Variants in AMZ2 observed in about 807,000 individuals in gnomAD.
AMZ2 encodes the protein archaemetzincin-2.
Under a neutral mutation model 36.7 loss-of-function variants are expected in AMZ2, and 26 were observed. The ratio of observed to expected loss-of-function variants is 0.71; its 90% CI spans 0.52 to 0.98. The LOEUF (loss-of-function observed/expected upper bound fraction) is 0.98. AMZ2 is among the 50% of genes least tolerant of loss of function. The pLI, the probability that AMZ2 is intolerant of heterozygous loss-of-function variation, is 0.00. For synonymous variants in AMZ2, 144 were observed against 149.1 expected (o/e 0.97, Z 0.25); for missense variants, 394 against 430.5 (o/e 0.92, Z 0.75).
At chr17:68,207,814 CA>C (rs2072886651) in intron 1 of AMZ2, among the ~76,000 whole-genome samples, 1 of 151,992 alleles carries the variant, frequency 6.6e-6, no homozygotes. Context: ...CTGGGCTGGC[CA>C]AGGCTGGAGC....
At chr17:68,246,119 A>G (rs1360889464), upstream of AMZ2, among the ~76,000 whole-genome samples, 2 of 151,432 alleles carry the variant, frequency 1.3e-5, no homozygotes, top group African/African-American at 4.9e-5. Flanking sequence ...CAGCCTGGCC[A>G]ACATGGTGAA....
chr17:68,220,406 A>C (rs1171611065), intron 1 of AMZ2, among the ~76,000 whole-genome samples: 1 of 152,014 alleles, frequency 6.6e-6, no homozygotes, highest in East Asian at 1.9e-4. Flanking sequence ...TCTGACTTCT[A>C]GATTAGACTG....
intron 1 of AMZ2, among the ~76,000 whole-genome samples, chr17:68,208,314 T>C (rs12951483): frequency 2.6e-5 from 4 of 152,142 alleles, no homozygotes; most frequent in African/African-American, 7.2e-5. Flanking sequence ...TTTATGTCTA[T>C]CTAAGGGATT....
intron 1 of AMZ2, chr17:68,249,957 G>A: frequency 2.0e-6 from 1 of 505,878 alleles, no homozygotes; most frequent in Non-Finnish European, 3.5e-6. Flanking sequence ...TTTTTGTAAT[G>A]GGAGCAGGTT....
chr17:68,236,474 T>C (rs755994352), intron 1 of AMZ2, among the ~76,000 whole-genome samples: 89 of 151,536 alleles, frequency 5.9e-4, no homozygotes, highest in Non-Finnish European at 1.0e-3. Flanking sequence ...TAAATGCTCA[T>C]TGCAAAATAA....
At chr17:68,217,850 T>C (rs2073239639) in intron 1 of AMZ2, among the ~76,000 whole-genome samples, 1 of 149,654 alleles carries the variant, frequency 6.7e-6, no homozygotes, top group African/African-American at 2.5e-5. Flanking sequence ...GCTGGCTCTG[T>C]CGCCCAGGCT....
At chr17:68,226,976 C>T (rs2073531332) in intron 1 of AMZ2, among the ~76,000 whole-genome samples, 1 of 149,494 alleles carries the variant, frequency 6.7e-6, no homozygotes, top group South Asian at 2.1e-4. Flanking sequence ...TGCCATCACC[C>T]CGTGGCTGAG....
chr17:68,244,728 G>A (rs1158840907), upstream of AMZ2, among the ~76,000 whole-genome samples: 2 of 152,194 alleles, frequency 1.3e-5, no homozygotes, highest in Non-Finnish European at 2.9e-5. Flanking sequence ...AGAATGCAGG[G>A]ATTCTTTATA....
At chr17:68,244,339 T>G (rs1478109520), upstream of AMZ2, among the ~76,000 whole-genome samples, 1 of 152,214 alleles carries the variant, frequency 6.6e-6, no homozygotes, top group East Asian at 1.9e-4. Context: ...CAGGCTGGAG[T>G]GCAGTGATGT....
chr17:68,247,816 G>A (rs1273762078), upstream of AMZ2: 2 of 985,584 alleles, frequency 2.0e-6, no homozygotes, highest in Non-Finnish European at 2.4e-6. Context: ...AGGAATCGGC[G>A]ACTGCGGGGG....
chr17:68,239,740 G>A (rs67665336), intron 1 of AMZ2, among the ~76,000 whole-genome samples: 15,126 of 152,176 alleles, frequency 0.099, 855 homozygotes, highest in Non-Finnish European at 0.12. Context: ...TCCCCTCAGT[G>A]AATAAGCTGA....
At chr17:68,215,272 G>A (rs184848976) in intron 1 of AMZ2, among the ~76,000 whole-genome samples, 12 of 148,308 alleles carry the variant, frequency 8.1e-5, no homozygotes, top group Admixed American at 8.1e-4. Context: ...TTCTTTTCTT[G>A]CTCCCTTACC....
intron 1 of AMZ2, among the ~76,000 whole-genome samples, chr17:68,234,350 G>A (rs2073737497): frequency 6.6e-6 from 1 of 151,758 alleles, no homozygotes; most frequent in South Asian, 2.1e-4. Context: ...ATGGAGGCTG[G>A]GGTGAAAGGA....
chr17:68,224,426 C>G (rs2144562942), intron 1 of AMZ2, among the ~76,000 whole-genome samples: 1 of 152,358 alleles, frequency 6.6e-6, no homozygotes, highest in East Asian at 1.9e-4. Context: ...AAATGCCAGC[C>G]TCTCTGCGTG....
upstream of AMZ2, among the ~76,000 whole-genome samples, chr17:68,243,516 C>A (rs1364951082): frequency 6.6e-6 from 1 of 152,168 alleles, no homozygotes; most frequent in Non-Finnish European, 1.5e-5. Flanking sequence ...ATAATTTATG[C>A]TTTTCCAGTC....
Position 68,250,205 on chromosome 17 carries a change from C to T in AMZ2, c.18C>T (p.His6=), listed in dbSNP as rs781945511. 1 of 1,613,872 alleles carries T rather than the reference C, an allele frequency of 6.2e-7. No individual in the cohort carries two copies. Among genetic ancestry groups the T allele is most frequent in the Non-Finnish European group, 8.5e-7 (1 of 1,179,960 alleles). Residue 6 remains histidine, a synonymous_variant, in exon 2 of 7, where the codon CAC becomes CAT. Transcript: ENST00000359904. ...TTTGTTAGATGCAAATAATACGGCA[C>T]TCCGAACAGACACTAAAAACAGCTC... The part of the protein sequence containing the change: MQIIR[H]SEQTLKTALI...
At chr17:68,206,903 A>G (rs1465193389) in intron 1 of AMZ2, 2 of 153,440 alleles carry the variant, frequency 1.3e-5, no homozygotes, top group Non-Finnish European at 2.9e-5. Context: ...TAAATGGCTG[A>G]TTAAAAAGCA....
chr17:68,214,788 ATT>A (rs35185659), intron 1 of AMZ2, among the ~76,000 whole-genome samples: 10,719 of 147,362 alleles, frequency 0.073, 610 homozygotes, highest in East Asian at 0.29. Flanking sequence ...GTCTTTAACA[ATT>A]TTTTTTTTTT....
At chr17:68,241,779 G>A (rs187161761) in intron 1 of AMZ2, among the ~76,000 whole-genome samples, 13 of 145,548 alleles carry the variant, frequency 8.9e-5, no homozygotes, top group African/African-American at 3.3e-4. Flanking sequence ...AGGCTGAAGT[G>A]CAGTGGCATG....
Sources: gnomAD v4.1 joint callset for allele counts (sites outside exome capture counted in the v4.1 genomes callset) on GRCh38, gnomAD v4.1.1 for gene constraint, MANE v1.5 for transcripts, NCBI Gene and HGNC (gene_info 2026-07-23, HGNC 2026-07-21) for gene names.